Variants in NXPH1 observed in about 807,000 individuals in gnomAD.
NXPH1 encodes the protein neurexophilin 1.
A neutral mutation model predicts 23.7 loss-of-function variants in NXPH1; 5 were observed. The observed-to-expected ratio is 0.21, with a 90% confidence interval of 0.11 to 0.44. NXPH1 has a LOEUF of 0.44. Among genes scored for constraint, NXPH1 ranks in the 20% least tolerant of loss-of-function variants. NXPH1 has a pLI of 0.99. For synonymous variants in NXPH1, 144 were observed against 122.2 expected, an observed-to-expected ratio of 1.18 and a Z score of -1.18; for missense variants, 324 against 321.6, an observed-to-expected ratio of 1.01 and a Z score of -0.06.
At chr7:8,489,372 G>T (rs1000640839) in intron 2 of NXPH1, among the ~76,000 whole-genome samples, 23 of 152,108 alleles carry the variant, frequency 1.5e-4, no homozygotes, top group Admixed American at 1.2e-3. Flanking sequence ...TAATACAGGG[G>T]ATCAAGCTAC....
rs192929593 is a variant in NXPH1 at position 8,661,734 on chromosome 7, G to C, written c.55-89274G>C. On this transcript the variant is annotated intron_variant, in intron 2 of 2. Coordinates refer to ENST00000405863, the MANE Select transcript of NXPH1 (RefSeq NM_152745.3). ...AAATCTGTAGAAATAACCAAGGGGAGATCAAAATTTTTCAAGTATAAAGGT... is the reference window on the plus strand; with the variant it reads ...AAATCTGTAGAAATAACCAAGGGGACATCAAAATTTTTCAAGTATAAAGGT... 7.9e-5 allele frequency among the ~76,000 whole-genome samples: 12 copies of C among 152,210 alleles called. No individual in the cohort carries two copies. In the East Asian group the frequency reaches 2.3e-3, roughly 29 times the overall value.
At chr7:8,439,817 G>A (rs1323796543) in intron 2 of NXPH1, among the ~76,000 whole-genome samples, 1 of 152,154 alleles carries the variant, frequency 6.6e-6, no homozygotes, top group African/African-American at 2.4e-5. Context: ...GGCTGTTAAG[G>A]TATATTGGAG....
intron 2 of NXPH1, among the ~76,000 whole-genome samples, chr7:8,450,068 G>T (rs1317828595): frequency 6.6e-6 from 1 of 152,190 alleles, no homozygotes; most frequent in African/African-American, 2.4e-5. Flanking sequence ...GGGACATAAA[G>T]TACAACCCTC....
intron 2 of NXPH1, among the ~76,000 whole-genome samples, chr7:8,640,573 T>C (rs1026038694): frequency 6.6e-6 from 1 of 152,152 alleles, no homozygotes; most frequent in Non-Finnish European, 1.5e-5. Flanking sequence ...TGTTTTAATA[T>C]ATAGAAAGTG....
intron 2 of NXPH1, among the ~76,000 whole-genome samples, chr7:8,716,773 A>C (rs992123039): frequency 1.3e-5 from 2 of 152,190 alleles, no homozygotes; most frequent in East Asian, 3.9e-4. Context: ...CAGCAATAAA[A>C]TATTTAAAAA....
At chr7:8,683,640 AT>A (rs1211322704) in intron 2 of NXPH1, among the ~76,000 whole-genome samples, 6 of 151,922 alleles carry the variant, frequency 3.9e-5, no homozygotes, top group Admixed American at 1.3e-4. Context: ...AAAATAACCT[AT>A]TTTTTTCCTG....
At chr7:8,501,837 C>A (rs912222892) in intron 2 of NXPH1, among the ~76,000 whole-genome samples, 1 of 152,058 alleles carries the variant, frequency 6.6e-6, no homozygotes. Context: ...AACAGTCTTA[C>A]CCAAGAGTCG....
chr7:8,685,454 C>G (rs1821132823), intron 2 of NXPH1, among the ~76,000 whole-genome samples: 1 of 150,130 alleles, frequency 6.7e-6, no homozygotes, highest in Non-Finnish European at 1.5e-5. Flanking sequence ...TTTTTTATGG[C>G]TGAATAGTAC....
chr7:8,653,330 G>A (rs1820520362), intron 2 of NXPH1, among the ~76,000 whole-genome samples: 1 of 152,104 alleles, frequency 6.6e-6, no homozygotes, highest in African/African-American at 2.4e-5. Context: ...AGCAGTTTTG[G>A]TGGTGGAGTT....
chr7:8,640,089 A>G (rs1049412900), intron 2 of NXPH1, among the ~76,000 whole-genome samples: 1 of 152,186 alleles, frequency 6.6e-6, no homozygotes, highest in Non-Finnish European at 1.5e-5. Context: ...TTGCAAATCC[A>G]TATTCCCATC....
intron 2 of NXPH1, among the ~76,000 whole-genome samples, chr7:8,655,598 TTA>T (rs1820568888): frequency 3.2e-5 from 2 of 62,332 alleles, no homozygotes; most frequent in Admixed American, 2.3e-4. Context: ...GTGTGTATGT[TTA>T]TGTGTGTGTG....
At position 8,665,484 on chromosome 7, in the gene NXPH1, C is replaced by T. The variant is rs188055707; in HGVS notation, c.55-85524C>T. Reference sequence around the variant, plus strand: ...GCTTTGTTCTTTTTGTTCAAGATTGCTTTGGCCATTTGGGGTCTATTTGTG... The same window carrying T: ...GCTTTGTTCTTTTTGTTCAAGATTGTTTTGGCCATTTGGGGTCTATTTGTG... On this transcript the variant is annotated intron_variant, in intron 2 of 2. Transcript: ENST00000405863. 7.3e-3 allele frequency among the ~76,000 whole-genome samples: 1,115 copies of T among 151,922 alleles called. 9 individuals carry two copies. The highest frequency in any genetic ancestry group is 0.017 in the Middle Eastern group (5 of 294).
At chr7:8,738,782 C>T (rs528822791) in intron 2 of NXPH1, among the ~76,000 whole-genome samples, 4 of 152,288 alleles carry the variant, frequency 2.6e-5, no homozygotes, top group Admixed American at 2.0e-4. Context: ...CTATAAGCCC[C>T]TGACTGGGGC....
At chr7:8,692,956 C>T (rs564430081) in intron 2 of NXPH1, among the ~76,000 whole-genome samples, 19 of 152,086 alleles carry the variant, frequency 1.2e-4, no homozygotes, top group Admixed American at 3.9e-4. Flanking sequence ...TACAGAAGCC[C>T]GTTACAAGTA....
At chr7:8,616,853 TA>T (rs138078881) in intron 2 of NXPH1, among the ~76,000 whole-genome samples, 1,781 of 141,576 alleles carry the variant, frequency 0.013, 16 homozygotes, top group Middle Eastern at 0.051. Flanking sequence ...AAGTTTATGT[TA>T]AAAAAAAAAA....
At chr7:8,613,716 G>T (rs1314567844) in intron 2 of NXPH1, among the ~76,000 whole-genome samples, 3 of 151,770 alleles carry the variant, frequency 2.0e-5, no homozygotes, top group Non-Finnish European at 4.4e-5. Flanking sequence ...CTTTGACTTT[G>T]ATTATCTATA....
chr7:8,493,046 G>C (rs576380068), intron 2 of NXPH1, among the ~76,000 whole-genome samples: 96 of 152,060 alleles, frequency 6.3e-4, no homozygotes, highest in Non-Finnish European at 1.0e-3. Flanking sequence ...CGGTCCCTCA[G>C]GATCTTATCT....
At chr7:8,564,851 A>G (rs1818512044) in intron 2 of NXPH1, among the ~76,000 whole-genome samples, 1 of 151,920 alleles carries the variant, frequency 6.6e-6, no homozygotes, top group Non-Finnish European at 1.5e-5. Context: ...TGCTGGAAAT[A>G]AGCAAAGAAG....
At chr7:8,564,745 T>C (rs995758790) in intron 2 of NXPH1, among the ~76,000 whole-genome samples, 1 of 151,842 alleles carries the variant, frequency 6.6e-6, no homozygotes, top group African/African-American at 2.4e-5. Context: ...TCCATTTCTT[T>C]CTTAATCTCA....
Sources: allele counts gnomAD v4.1 joint callset (sites outside exome capture counted in the v4.1 genomes callset), GRCh38; gene constraint gnomAD v4.1.1; transcripts MANE v1.5; gene names NCBI Gene and HGNC (gene_info 2026-07-23, HGNC 2026-07-21).